The following ASCC3 variants were observed in gnomAD, a reference collection of about 807,000 sequenced individuals.
The protein encoded by ASCC3 is ASC-1 complex subunit P200.
Under a neutral mutation model 256.3 loss-of-function variants are expected in ASCC3, and 158 were observed. The ratio of observed to expected loss-of-function variants is 0.62; its 90% CI spans 0.54 to 0.70. ASCC3 has a LOEUF of 0.70. Among genes scored for constraint, ASCC3 ranks in the 30% least tolerant of loss-of-function variants. The pLI is 0.00. For missense variants in ASCC3, 2,259 were observed against 2,626.0 expected (o/e 0.86, Z 3.05); for synonymous variants, 948 against 883.4 (o/e 1.07, Z -1.30).
chr6:100,759,250 C>T (rs1317327117), intron 10 of ASCC3, among the ~76,000 whole-genome samples: 1 of 152,112 alleles, frequency 6.6e-6, no homozygotes, highest in African/African-American at 2.4e-5. Flanking sequence ...TAATTAGATC[C>T]CATTTGTCAA....
intron 25 of ASCC3, among the ~76,000 whole-genome samples, chr6:100,633,501 T>A (rs1481029441): frequency 6.6e-6 from 1 of 152,124 alleles, no homozygotes; most frequent in Non-Finnish European, 1.5e-5. Context: ...AAAAATCATA[T>A]GCCGAGACTG....
At chr6:100,635,596 A>G (rs1419914349) in intron 25 of ASCC3, among the ~76,000 whole-genome samples, 1 of 152,190 alleles carries the variant, frequency 6.6e-6, no homozygotes, top group Non-Finnish European at 1.5e-5. Flanking sequence ...TGTTCTCATC[A>G]CAAAAAAGAT....
intron 30 of ASCC3, among the ~76,000 whole-genome samples, chr6:100,624,226 GAAGAA>G (rs1260909645): frequency 2.0e-5 from 3 of 151,602 alleles, no homozygotes; most frequent in Non-Finnish European, 4.4e-5. Flanking sequence ...ACACATATAT[GAAGAA>G]AAGTAATCTA....
intron 2 of ASCC3, among the ~76,000 whole-genome samples, chr6:100,865,456 G>A (rs1773432198): frequency 1.3e-5 from 2 of 152,016 alleles, no homozygotes; most frequent in Non-Finnish European, 2.9e-5. Flanking sequence ...AATAATTCAG[G>A]TTTAAGATAG....
intron 34 of ASCC3, among the ~76,000 whole-genome samples, chr6:100,600,638 A>T (rs1411326190): frequency 6.6e-6 from 1 of 152,120 alleles, no homozygotes; most frequent in Non-Finnish European, 1.5e-5. Flanking sequence ...GAACATTTTC[A>T]TCATGACTTC....
At chr6:100,514,826 T>C (rs1261660806) in intron 39 of ASCC3, among the ~76,000 whole-genome samples, 1 of 152,116 alleles carries the variant, frequency 6.6e-6, no homozygotes, top group African/African-American at 2.4e-5. Context: ...AAGATGCAAA[T>C]CTCACAGTCA....
At chr6:100,614,724 G>A (rs1324381960) in intron 30 of ASCC3, among the ~76,000 whole-genome samples, 1 of 152,106 alleles carries the variant, frequency 6.6e-6, no homozygotes, top group Non-Finnish European at 1.5e-5. Flanking sequence ...GCTTAAGGGT[G>A]AGCCCCAGTG....
intron 36 of ASCC3, among the ~76,000 whole-genome samples, chr6:100,585,941 GT>G (rs1482893307): frequency 1.3e-5 from 2 of 152,154 alleles, no homozygotes; most frequent in Non-Finnish European, 2.9e-5. Flanking sequence ...TCTTCTGGAA[GT>G]TTTGTCTCAG....
intron 10 of ASCC3, among the ~76,000 whole-genome samples, chr6:100,753,629 T>C (rs866234701): frequency 6.6e-6 from 1 of 152,058 alleles, no homozygotes; most frequent in African/African-American, 2.4e-5. Context: ...CCTCCTGCCT[T>C]AGCCACTCGA....
intron 37 of ASCC3, among the ~76,000 whole-genome samples, chr6:100,533,521 G>A (rs976380910): frequency 5.9e-5 from 9 of 152,124 alleles, no homozygotes; most frequent in Non-Finnish European, 1.2e-4. Flanking sequence ...AACATGAGCT[G>A]AAGGGCAAAT....
chr6:100,832,551 A>G (rs571053263), intron 4 of ASCC3, among the ~76,000 whole-genome samples: 67 of 152,176 alleles, frequency 4.4e-4, no homozygotes, highest in African/African-American at 1.4e-3. Context: ...TTAATTATAC[A>G]CTCAAATGAA....
chr6:100,661,171 C>T (rs1251162953), intron 16 of ASCC3, among the ~76,000 whole-genome samples: 1 of 151,570 alleles, frequency 6.6e-6, no homozygotes, highest in Admixed American at 6.6e-5. Flanking sequence ...GTGTTGAATA[C>T]CAAAGCAATA....
chr6:100,824,506 C>G (rs886203856), intron 4 of ASCC3, among the ~76,000 whole-genome samples: 1 of 152,044 alleles, frequency 6.6e-6, no homozygotes, highest in Non-Finnish European at 1.5e-5. Context: ...ACATCCTTAT[C>G]GCTTCTCAGC....
Position 100,601,806 on chromosome 6 carries a change from T to C in ASCC3, c.5303+4A>G, listed in dbSNP as rs201261547. 52 of 1,612,026 alleles carry C rather than the reference T, an allele frequency of 3.2e-5. No homozygotes were observed. In the East Asian group the frequency reaches 1.1e-3, roughly 34 times the overall value. On this transcript the variant is annotated splice_donor_region_variant and intron_variant, in intron 34 of 41. Transcript: ENST00000369162. ...GAAAGGTATATAACTGCCCTTGCAC[T>C]TACCTGGGATTCATGATAAGACGTC...
At chr6:100,633,001 T>C (rs1284399267) in intron 25 of ASCC3, among the ~76,000 whole-genome samples, 1 of 151,508 alleles carries the variant, frequency 6.6e-6, no homozygotes, top group Admixed American at 6.6e-5. Flanking sequence ...AATAAATAAA[T>C]AAAATCAACA....
rs1773967067 is a variant in ASCC3 at position 100,515,282 on chromosome 6, A to G, written c.6075+898T>C. Among the ~76,000 whole-genome samples, 4 of 152,280 alleles carry G rather than the reference A, an allele frequency of 2.6e-5. No individual in the cohort carries two copies. In the South Asian group the frequency reaches 6.2e-4, roughly 24 times the overall value. ...GGTAGGCATTTATTATGAATATTTA[A>G]ATAGTATTTTGTGCCAATCTTGGGT... is the stretch of plus-strand genomic sequence containing the variant. On this transcript the variant is annotated intron_variant, in intron 39 of 41. Transcript: ENST00000369162.
intron 36 of ASCC3, among the ~76,000 whole-genome samples, chr6:100,551,279 A>C (rs1255005575): frequency 6.6e-6 from 1 of 151,986 alleles, no homozygotes; most frequent in African/African-American, 2.4e-5. Context: ...GAAGCTCTGC[A>C]GTCTAGCGGG....
intron 13 of ASCC3, among the ~76,000 whole-genome samples, chr6:100,694,921 A>G (rs1014739782): frequency 6.6e-6 from 1 of 152,312 alleles, no homozygotes; most frequent in Non-Finnish European, 1.5e-5. Flanking sequence ...TTAGTCACAC[A>G]AGTATCTCCT....
In ASCC3 at chr6:100,611,044, T is replaced by C. The variant is rs1773368041; in HGVS notation, c.4786-3956A>G. Among the ~76,000 whole-genome samples, 6 of 152,266 alleles carry C rather than the reference T, an allele frequency of 3.9e-5. No homozygotes were observed. The South Asian group carries it at 1.2e-3, about 32-fold the overall frequency. On this transcript the variant is annotated intron_variant, in intron 30 of 41. Coordinates refer to ENST00000369162, the MANE Select transcript of ASCC3 (RefSeq NM_006828.4). The stretch of plus-strand genomic sequence containing the variant: ...CCAATCATACCCAAAGAATAATGAA[T>C]CATTTGCCATAGGAAAGCTAAAGAA...
Sources: gnomAD v4.1 joint callset for allele counts (sites outside exome capture counted in the v4.1 genomes callset) on GRCh38, gnomAD v4.1.1 for gene constraint, MANE v1.5 for transcripts, NCBI Gene and HGNC (gene_info 2026-07-23, HGNC 2026-07-21) for gene names.